The following DEAF1 variants were observed in gnomAD, a reference collection of about 807,000 sequenced individuals.
DEAF1 encodes the protein deformed epidermal autoregulatory factor 1 homolog.
In DEAF1, 53 loss-of-function variants were observed where a neutral mutation model predicts 58.9. That is an observed-to-expected ratio of 0.90 (90% CI 0.72 to 1.13). DEAF1 has a LOEUF of 1.13. Ranked by LOEUF, DEAF1 falls within the 50% of genes most tolerant of loss-of-function variation. The probability of loss-of-function intolerance (pLI) is 0.00; values close to 1 mark genes in which losing one functional copy is unlikely to be tolerated. For missense variants in DEAF1, 685 were observed against 791.4 expected (o/e 0.87, Z 1.61); for synonymous variants, 385 against 340.4 (o/e 1.13, Z -1.44).
chr11:654,620 A>G, intron 10 of DEAF1: 1 of 455,064 alleles, frequency 2.2e-6, no homozygotes, highest in Non-Finnish European at 4.4e-6. Context: ...CATACCTGTA[A>G]TCCCAGGACT....
chr11:694,910 C>G lies in DEAF1; in HGVS notation c.138G>C (p.Glu46Asp), dbSNP rs1313598644. Residue 46 changes from glutamate (E) to aspartate (D), a missense_variant, in exon 1 of 12, where the codon GAG becomes GAC. Physicochemically the swap from Glu to Asp is conservative, Grantham distance 45. Transcript: ENST00000382409. ...EAEEPVLSRD[E>D]DSEEDADSEA... ...CCGAGTCTGCGTCCTCCTCCGAGTC[C>G]TCGTCCCTGCTCAGCACCGGCTCCT... The G allele has an allele frequency of 2.0e-6, 3 of 1,464,934 alleles. No homozygotes were observed. The highest frequency in any genetic ancestry group is 1.4e-5 in the African/African-American group (1 of 68,984). The allele number at this position is 1,464,934 out of a possible 1,614,324, so 90.7% of individuals were successfully genotyped here.
chr11:704,189 G>A, intron 1 of DEAF1: 1 of 1,047,112 alleles, frequency 9.6e-7, no homozygotes, highest in Non-Finnish European at 1.2e-6. Context: ...CTGCAAGAGA[G>A]CACACCCCAC....
At chr11:695,685 C>T, upstream of DEAF1, 1 of 1,243,986 alleles carries the variant, frequency 8.0e-7, no homozygotes, top group South Asian at 3.8e-5. Context: ...AATCGGGCCT[C>T]GGCCGTGGCT....
Position 679,685 on chromosome 11 carries a change from C to T in DEAF1, c.1126+3G>A, listed in dbSNP as rs988412294. Reference sequence around the variant, plus strand: ...GCGTCAGGCAGGCACTGGAGCAGCTCACCTGTGGCCCCTGCGAAGACGTCG... The same window carrying T: ...GCGTCAGGCAGGCACTGGAGCAGCTTACCTGTGGCCCCTGCGAAGACGTCG... On this transcript the variant is annotated splice_donor_region_variant and intron_variant, in intron 8 of 11. Transcript: ENST00000382409. The T allele has an allele frequency of 6.2e-7, 1 of 1,611,626 alleles. No individual in the cohort carries two copies. Among genetic ancestry groups the T allele is most frequent in the African/African-American group, 1.3e-5 (1 of 75,076 alleles).
chr11:695,579 C>A (rs1049194761), upstream of DEAF1: 40 of 1,237,188 alleles, frequency 3.2e-5, no homozygotes, highest in Admixed American at 1.3e-4. Flanking sequence ...CGAGGCCGAG[C>A]CGAGACGAGC....
At chr11:670,781 T>G (rs149366607) in intron 10 of DEAF1, among the ~76,000 whole-genome samples, 58,858 of 134,720 alleles carry the variant, frequency 0.44, 12,708 homozygotes, top group East Asian at 0.66. Context: ...GTTTTTGTTT[T>G]TTTTTTTTTT....
intron 10 of DEAF1, among the ~76,000 whole-genome samples, chr11:668,244 G>C (rs904472631): frequency 3.3e-5 from 5 of 151,940 alleles, no homozygotes; most frequent in African/African-American, 1.2e-4. Flanking sequence ...TATATGAAAA[G>C]AAAAGCTGAA....
At chr11:646,994 A>C (rs1324043061) in intron 11 of DEAF1, among the ~76,000 whole-genome samples, 1 of 152,146 alleles carries the variant, frequency 6.6e-6, no homozygotes, top group Non-Finnish European at 1.5e-5. Flanking sequence ...TATAAAAAAA[A>C]AAAAATGTTT....
rs762338624 is a variant in DEAF1, at chr11:674,550, C to T, written c.1489G>A (p.Ala497Thr). 19 of 1,614,012 alleles carry T rather than the reference C, an allele frequency of 1.2e-5. No individual in the cohort carries two copies. In the East Asian group the frequency reaches 2.9e-4, roughly 25 times the overall value. The change falls in exon 10 of 12, where the codon GCA becomes ACA. Residue 497 changes from alanine to threonine, a missense_variant. Physicochemically the swap from Ala to Thr is moderately conservative, Grantham distance 58. Transcript: ENST00000382409. ...TCCAAGGTTACCTCCTTCCGCTCTG[C>T]GTCAGCGTGGATCTTGGCCTGGTTT... ...ATNQAKIHAD[A>T]ERKEQSCVNC...
At chr11:660,585 T>C (rs1385624383) in intron 10 of DEAF1, among the ~76,000 whole-genome samples, 2 of 152,216 alleles carry the variant, frequency 1.3e-5, no homozygotes, top group African/African-American at 2.4e-5. Context: ...TCTGAAGAGT[T>C]CCCTGGGGAC....
In DEAF1 at chr11:694,949, TGCCGCGGCCGCGGCC is replaced by T. The variant is rs755419607; in HGVS notation, c.84_98del (p.Ala29_Ala33del). The T allele has an allele frequency of 8.8e-7, 1 of 1,140,442 alleles. No individual in the cohort carries two copies. The highest frequency in any genetic ancestry group is 4.9e-5 in the East Asian group (1 of 20,250). The allele number at this position is 1,140,442 out of a possible 1,614,324, so 70.6% of individuals were successfully genotyped here. A position where few individuals can be genotyped will look rare whatever the true frequency, so the allele number is the denominator to read the frequency against. On this transcript the variant is annotated inframe_deletion, in exon 1 of 12. Coordinates refer to ENST00000382409, the MANE Select transcript of DEAF1 (RefSeq NM_021008.4). Reference sequence around the variant, plus strand: ...GCACCGGCTCCTCCGCCTCGCCTCCTGCCGCGGCCGCGGCCGCCGCCGCCACAGCGGCCGCGGCCG... The same window carrying T: ...GCACCGGCTCCTCCGCCTCGCCTCCTGCCGCCGCCACAGCGGCCGCGGCCG...
intron 10 of DEAF1, among the ~76,000 whole-genome samples, chr11:658,679 G>C (rs1258037814): frequency 6.6e-6 from 1 of 152,246 alleles, no homozygotes; most frequent in Non-Finnish European, 1.5e-5. Flanking sequence ...GAGTTCTCTG[G>C]GCCGCAGGCG....
intron 11 of DEAF1, among the ~76,000 whole-genome samples, chr11:649,527 C>T (rs921923167): frequency 2.6e-5 from 4 of 152,168 alleles, no homozygotes; most frequent in African/African-American, 9.6e-5. Context: ...CAAGACCAGC[C>T]TGACCAACAT....
chr11:681,176 G>A (rs971774363), intron 6 of DEAF1, 87 bp from the exon 7 acceptor site: 21 of 1,580,812 alleles, frequency 1.3e-5, no homozygotes, highest in East Asian at 4.5e-5. Flanking sequence ...GGGGCACCGC[G>A]GGGTGTGTGA....
At chr11:692,650 C>T (rs1273385575) in intron 1 of DEAF1, among the ~76,000 whole-genome samples, 1 of 152,040 alleles carries the variant, frequency 6.6e-6, no homozygotes, top group African/African-American at 2.4e-5. Flanking sequence ...GTCAGGAGTT[C>T]GAGACCAGCC....
At chr11:645,726 G>C (rs1410254212) in intron 11 of DEAF1, among the ~76,000 whole-genome samples, 1 of 152,230 alleles carries the variant, frequency 6.6e-6, no homozygotes, top group Non-Finnish European at 1.5e-5. Flanking sequence ...GCTCCTGTGA[G>C]GTCAGCACAC....
At chr11:674,062 G>A (rs143367846) in intron 10 of DEAF1, 524 of 260,384 alleles carry the variant, frequency 2.0e-3, no homozygotes, top group Middle Eastern at 0.017. Flanking sequence ...CACAGGAGCC[G>A]CCTTCTGAAG....
chr11:655,979 G>A (rs1294047676), intron 10 of DEAF1, among the ~76,000 whole-genome samples: 7 of 151,348 alleles, frequency 4.6e-5, no homozygotes, highest in South Asian at 2.1e-4. Context: ...CTACAGGCAC[G>A]GACCACCACG....
chr11:688,805 G>C lies in DEAF1; in HGVS notation c.388-345C>G, dbSNP rs149305692. On this transcript the variant is annotated intron_variant, in intron 2 of 11. Transcript: ENST00000382409. This position sits in a 1 kb window ranked among gnomAD's most constrained non-coding sequence, Gnocchi z 4.3. Reference sequence around the variant, plus strand: ...CTTCATGCAGAGTTTCCAACAGACCGAGTTGGCCGCCACAGACAAGGCCTT... The same window carrying C: ...CTTCATGCAGAGTTTCCAACAGACCCAGTTGGCCGCCACAGACAAGGCCTT... 1.3e-5 allele frequency among the ~76,000 whole-genome samples: 2 copies of C among 152,262 alleles called. No individual in the cohort carries two copies. The highest frequency in any genetic ancestry group is 3.9e-4 in the East Asian group (2 of 5,186).
Sources: allele counts gnomAD v4.1 joint callset (sites outside exome capture counted in the v4.1 genomes callset), GRCh38; gene constraint gnomAD v4.1.1; non-coding constraint Gnocchi (gnomAD v3.1); transcripts MANE v1.5; gene names NCBI Gene and HGNC (gene_info 2026-07-23, HGNC 2026-07-21).